The following PRKAR1B variants were observed in gnomAD, a reference collection of about 807,000 sequenced individuals.
The protein encoded by PRKAR1B is protein kinase cAMP-dependent type I regulatory subunit beta.
Under a neutral mutation model 46.5 loss-of-function variants are expected in PRKAR1B, and 22 were observed. The observed-to-expected ratio is 0.47, with a 90% CI of 0.34 to 0.68. PRKAR1B has a LOEUF of 0.68. Among genes scored for constraint, PRKAR1B ranks in the 30% least tolerant of loss-of-function variants. The pLI, the probability that PRKAR1B is intolerant of heterozygous loss-of-function variation, is 0.01. For missense variants in PRKAR1B, 445 were observed against 535.6 expected (o/e 0.83, Z 1.67); for synonymous variants, 259 against 217.7 (o/e 1.19, Z -1.67).
upstream of PRKAR1B, among the ~76,000 whole-genome samples, chr7:728,870 C>T (rs1334008563): frequency 7.9e-5 from 12 of 152,174 alleles, no homozygotes; most frequent in African/African-American, 2.4e-4. Flanking sequence ...TCACACTGGG[C>T]AACGGCAGAG....
intron 9 of PRKAR1B, among the ~76,000 whole-genome samples, chr7:559,506 A>G (rs1055842903): frequency 1.5e-4 from 23 of 152,152 alleles, no homozygotes; most frequent in Admixed American, 9.8e-4. Context: ...GGGCTCCCCG[A>G]TACGAGGGGA....
At chr7:675,209 C>T (rs945199789) in intron 4 of PRKAR1B, among the ~76,000 whole-genome samples, 2 of 152,210 alleles carry the variant, frequency 1.3e-5, no homozygotes, top group Admixed American at 1.3e-4. Flanking sequence ...TGTGCAGATA[C>T]GCACAACAAT....
intron 4 of PRKAR1B, among the ~76,000 whole-genome samples, chr7:662,637 G>T (rs186639489): frequency 2.8e-5 from 1 of 35,676 alleles, no homozygotes; most frequent in East Asian, 7.4e-4. Flanking sequence ...TACTCTCCCC[G>T]CCATGCCACA....
intron 4 of PRKAR1B, among the ~76,000 whole-genome samples, chr7:657,408 G>GATGGATGGATGAATGA (rs1785270963): frequency 1.3e-5 from 2 of 149,892 alleles, no homozygotes; most frequent in African/African-American, 4.9e-5. Context: ...TGGATGGATG[G>GATGGATGGATGAATGA]ATGGATGGAT....
At chr7:589,463 C>T (rs902805921) in intron 7 of PRKAR1B, among the ~76,000 whole-genome samples, 4 of 151,964 alleles carry the variant, frequency 2.6e-5, no homozygotes, top group East Asian at 3.9e-4. Flanking sequence ...AAGGTGATGA[C>T]GATAAGCACG....
chr7:726,287 T>A (rs1351831577), intron 1 of PRKAR1B, among the ~76,000 whole-genome samples: 1 of 152,178 alleles, frequency 6.6e-6, no homozygotes, highest in Non-Finnish European at 1.5e-5. Flanking sequence ...ACCAGCGTCC[T>A]TCCCTCCTGG....
rs1162519456 is a variant in PRKAR1B at position 666,996 on chromosome 7, G to T, written c.440+10233C>A. On this transcript the variant is annotated intron_variant, in intron 4 of 10. Coordinates refer to ENST00000537384, the MANE Select transcript of PRKAR1B (RefSeq NM_001164760.2). This position sits in a 1 kb window ranked among gnomAD's most constrained non-coding sequence, Gnocchi z 4.9. ...GATGGTGATGATAAAGATGATGATG[G>T]CAATGGTGGTGATGAGGATGGTGGT... 6.6e-6 allele frequency among the ~76,000 whole-genome samples: 1 copy of T among 152,146 alleles called. No individual in the cohort carries two copies. Among genetic ancestry groups the T allele is most frequent in the East Asian group, 1.9e-4 (1 of 5,194 alleles).
At chr7:643,368 C>T (rs1367585096) in intron 4 of PRKAR1B, among the ~76,000 whole-genome samples, 3 of 151,418 alleles carry the variant, frequency 2.0e-5, no homozygotes, top group African/African-American at 4.9e-5. Context: ...CTGGACCCTG[C>T]GTCCTTCAGG....
intron 4 of PRKAR1B, among the ~76,000 whole-genome samples, chr7:635,994 C>G (rs1184976995): frequency 1.0e-5 from 1 of 99,778 alleles, no homozygotes; most frequent in Middle Eastern, 5.6e-3. Context: ...GCCCTCACGT[C>G]CTCCACCGGC....
In PRKAR1B at chr7:666,168, G is replaced by A. The variant is rs533322684; in HGVS notation, c.440+11061C>T. On this transcript the variant is annotated intron_variant, in intron 4 of 10. Coordinates refer to ENST00000537384, the MANE Select transcript of PRKAR1B (RefSeq NM_001164760.2). The surrounding 1 kb of genome is among the most constrained non-coding windows in gnomAD (Gnocchi z 4.9). ...ACAGGCGCCCTAATCAGGGAAAGCC[G>A]GGAAGGGACCGGGATAGAACCCAAG... Among the ~76,000 whole-genome samples the A allele has an allele frequency of 4.6e-5, 7 of 152,332 alleles. No homozygotes were observed. Among genetic ancestry groups the A allele is most frequent in the South Asian group, 4.1e-4 (2 of 4,828 alleles).
intron 9 of PRKAR1B, among the ~76,000 whole-genome samples, chr7:566,343 AC>A (rs1376174026): frequency 2.0e-5 from 3 of 150,876 alleles, no homozygotes; most frequent in African/African-American, 7.3e-5. Flanking sequence ...CTTCATCATC[AC>A]CATTATCATC....
intron 4 of PRKAR1B, among the ~76,000 whole-genome samples, chr7:659,609 A>C (rs1465630862): frequency 6.6e-6 from 1 of 152,184 alleles, no homozygotes; most frequent in Non-Finnish European, 1.5e-5. Context: ...AAACCAGCCC[A>C]GGGAGGAAAC....
At chr7:707,960 C>A (rs1199281076) in intron 2 of PRKAR1B, among the ~76,000 whole-genome samples, 1 of 151,814 alleles carries the variant, frequency 6.6e-6, no homozygotes, top group African/African-American at 2.4e-5. Flanking sequence ...CAGAAGGAGC[C>A]ATCCCACCAC....
At chr7:686,194 G>A (rs1052021960) in intron 2 of PRKAR1B, among the ~76,000 whole-genome samples, 4 of 152,168 alleles carry the variant, frequency 2.6e-5, no homozygotes, top group Admixed American at 1.3e-4. Flanking sequence ...CCAGCTACTC[G>A]GGAGGCTGAG....
intron 1 of PRKAR1B, among the ~76,000 whole-genome samples, chr7:724,032 G>C (rs1781165346): frequency 1.3e-5 from 2 of 152,140 alleles, no homozygotes; most frequent in African/African-American, 4.8e-5. Flanking sequence ...CCAACCTCAT[G>C]ACCTCATCTC....
intron 4 of PRKAR1B, among the ~76,000 whole-genome samples, chr7:614,282 C>G (rs982758371): frequency 2.0e-5 from 3 of 152,232 alleles, no homozygotes; most frequent in Admixed American, 6.5e-5. Context: ...CAGATTCAAC[C>G]TGCCTCATCA....
At chr7:558,171 A>G (rs1778564218) in intron 9 of PRKAR1B, among the ~76,000 whole-genome samples, 1 of 151,320 alleles carries the variant, frequency 6.6e-6, no homozygotes, top group Non-Finnish European at 1.5e-5. Context: ...GAAAAAAAAC[A>G]CAAAAATGCT....
intron 4 of PRKAR1B, among the ~76,000 whole-genome samples, chr7:612,309 T>A (rs1782564258): frequency 6.9e-6 from 1 of 145,444 alleles, no homozygotes; most frequent in African/African-American, 2.6e-5. Context: ...GGTGGGTGGA[T>A]GAACAGGTGT....
intron 9 of PRKAR1B, among the ~76,000 whole-genome samples, chr7:577,199 C>T (rs569365011): frequency 8.5e-5 from 13 of 152,232 alleles, no homozygotes; most frequent in East Asian, 3.9e-4. Context: ...CACTGGCTCC[C>T]GAATTTGCCG....
Sources: allele counts gnomAD v4.1 joint callset (sites outside exome capture counted in the v4.1 genomes callset), GRCh38; gene constraint gnomAD v4.1.1; non-coding constraint Gnocchi (gnomAD v3.1); transcripts MANE v1.5; gene names NCBI Gene and HGNC (gene_info 2026-07-23, HGNC 2026-07-21).